Variants in PPM1H observed in about 807,000 individuals in gnomAD.
PPM1H encodes protein phosphatase 1H.
A neutral mutation model predicts 54.9 loss-of-function variants in PPM1H; 27 were observed. That is an observed-to-expected ratio of 0.49 (90% CI 0.36 to 0.68). The LOEUF (loss-of-function observed/expected upper bound fraction) is 0.68, where lower values mean the gene tolerates loss of function less well. Among genes scored for constraint, PPM1H ranks in the 30% least tolerant of loss-of-function variants. The pLI is 0.00. For synonymous variants in PPM1H, 305 were observed against 270.8 expected (o/e 1.13, Z -1.24); for missense variants, 596 against 667.8 (o/e 0.89, Z 1.19).
intron 8 of PPM1H, among the ~76,000 whole-genome samples, chr12:62,683,390 G>A (rs189724842): frequency 1.3e-5 from 2 of 152,222 alleles, no homozygotes; most frequent in East Asian, 3.9e-4. Flanking sequence ...TCAACATAGG[G>A]ATTTTTACCC....
chr12:62,696,509 T>C (rs1436262388), intron 6 of PPM1H, among the ~76,000 whole-genome samples: 2 of 152,218 alleles, frequency 1.3e-5, no homozygotes, highest in African/African-American at 4.8e-5. Flanking sequence ...TCCATCTTTC[T>C]GAATCCTAAG....
Position 62,648,406 on chromosome 12 carries a change from A to G in PPM1H, c.*83T>C. 6.5e-7 allele frequency: 1 copy of G among 1,530,280 alleles called. No individual in the cohort carries two copies. The highest frequency in any genetic ancestry group is 1.7e-5 in the Admixed American group (1 of 58,176). The allele number at this position is 1,530,280 out of a possible 1,614,324, so 94.8% of individuals were successfully genotyped here. On this transcript the variant is annotated 3_prime_UTR_variant, in exon 10 of 10. Coordinates refer to ENST00000228705, the MANE Select transcript of PPM1H (RefSeq NM_020700.2). Reference sequence around the variant, plus strand: ...GAAGAGACTGCATCACTTGGAACTCAGCTGGGGCACTTCCCAGTTCCGTCC... The same window carrying G: ...GAAGAGACTGCATCACTTGGAACTCGGCTGGGGCACTTCCCAGTTCCGTCC...
chr12:62,811,811 ATGCTGAACTG>A (rs1156345183), intron 2 of PPM1H, among the ~76,000 whole-genome samples: 3 of 152,202 alleles, frequency 2.0e-5, no homozygotes, highest in African/African-American at 7.2e-5. Flanking sequence ...CTCCCCAGCC[ATGCTGAACTG>A]TGAGTCAATT....
chr12:62,881,565 C>T (rs1209667844), intron 1 of PPM1H, among the ~76,000 whole-genome samples: 4 of 152,184 alleles, frequency 2.6e-5, no homozygotes, highest in Non-Finnish European at 4.4e-5. Context: ...CTAGCCAGTT[C>T]TCAATTGCAT....
intron 1 of PPM1H, among the ~76,000 whole-genome samples, chr12:62,839,257 C>G (rs1868629206): frequency 7.5e-6 from 1 of 133,080 alleles, no homozygotes; most frequent in Non-Finnish European, 1.6e-5. Context: ...CTCCCAGGCT[C>G]TGTCTGTGGC....
At chr12:62,662,895 A>G (rs2075893089) in intron 9 of PPM1H, among the ~76,000 whole-genome samples, 1 of 152,030 alleles carries the variant, frequency 6.6e-6, no homozygotes, top group Admixed American at 6.6e-5. Context: ...TTTTGGGCCA[A>G]TTTTCTTGGT....
intron 1 of PPM1H, among the ~76,000 whole-genome samples, chr12:62,837,509 C>T (rs1474847745): frequency 6.6e-6 from 1 of 152,214 alleles, no homozygotes; most frequent in African/African-American, 2.4e-5. Flanking sequence ...TCCCTCCCCA[C>T]CATGAGGCAT....
intron 1 of PPM1H, among the ~76,000 whole-genome samples, chr12:62,841,111 A>G (rs1329235197): frequency 6.6e-6 from 1 of 152,028 alleles, no homozygotes; most frequent in Non-Finnish European, 1.5e-5. Flanking sequence ...ACTGATAATG[A>G]AGGGAGGTGA....
At chr12:62,673,799 C>G (rs1209849396) in intron 8 of PPM1H, among the ~76,000 whole-genome samples, 3 of 136,898 alleles carry the variant, frequency 2.2e-5, no homozygotes, top group Non-Finnish European at 4.6e-5. Flanking sequence ...AATTCTGGCT[C>G]ACTGCAGCCT....
chr12:62,832,869 T>A (rs1020213066), intron 1 of PPM1H, among the ~76,000 whole-genome samples: 10 of 152,204 alleles, frequency 6.6e-5, no homozygotes, highest in Non-Finnish European at 1.3e-4. Flanking sequence ...TTTTTTCATG[T>A]AGAATAATAC....
chr12:62,911,262 C>T (rs1871451607), intron 1 of PPM1H, among the ~76,000 whole-genome samples: 1 of 152,138 alleles, frequency 6.6e-6, no homozygotes, highest in South Asian at 2.1e-4. Context: ...TTTCCCCCAA[C>T]AATATGACAA....
intron 4 of PPM1H, among the ~76,000 whole-genome samples, chr12:62,767,409 G>A (rs892496220): frequency 4.6e-5 from 7 of 152,186 alleles, no homozygotes; most frequent in Non-Finnish European, 8.8e-5. Flanking sequence ...ACTTATGGTA[G>A]CTGCCTTTAA....
At chr12:62,727,777 C>T (rs1209839385) in intron 5 of PPM1H, among the ~76,000 whole-genome samples, 2 of 151,790 alleles carry the variant, frequency 1.3e-5, no homozygotes, top group East Asian at 1.9e-4. Flanking sequence ...TCTCCCACCT[C>T]AGCCTCCTGA....
chr12:62,893,236 CA>C (rs1870862647), intron 1 of PPM1H, among the ~76,000 whole-genome samples: 1 of 152,146 alleles, frequency 6.6e-6, no homozygotes, highest in Non-Finnish European at 1.5e-5. Context: ...GTTGCCTTAA[CA>C]AAATACCACA....
At chr12:62,821,216 T>G (rs765330091) in intron 2 of PPM1H, among the ~76,000 whole-genome samples, 1 of 151,872 alleles carries the variant, frequency 6.6e-6, no homozygotes, top group Non-Finnish European at 1.5e-5. Context: ...AGGAGAAGTT[T>G]AGAGAAAAAA....
chr12:62,721,274 A>T (rs996513318), intron 5 of PPM1H, among the ~76,000 whole-genome samples: 1 of 152,146 alleles, frequency 6.6e-6, no homozygotes, highest in Admixed American at 6.5e-5. Flanking sequence ...GAAGGTCTGG[A>T]GGTATTAGTT....
intron 9 of PPM1H, chr12:62,658,952 G>T: frequency 1.4e-6 from 1 of 701,950 alleles, no homozygotes; most frequent in Non-Finnish European, 2.6e-6. Context: ...TGACAACAGG[G>T]CTCATAGAAG....
intron 4 of PPM1H, among the ~76,000 whole-genome samples, chr12:62,744,912 A>T (rs533758089): frequency 6.6e-6 from 1 of 152,324 alleles, no homozygotes; most frequent in South Asian, 2.1e-4. Flanking sequence ...CAAAGCCTTT[A>T]GTTCAGAGCT....
chr12:62,783,234 G>T (rs2076652270), intron 4 of PPM1H, among the ~76,000 whole-genome samples: 1 of 152,188 alleles, frequency 6.6e-6, no homozygotes, highest in Admixed American at 6.5e-5. Flanking sequence ...ATAAATGAAT[G>T]AATTGGACCA....
Sources: allele counts gnomAD v4.1 joint callset (sites outside exome capture counted in the v4.1 genomes callset), GRCh38; gene constraint gnomAD v4.1.1; transcripts MANE v1.5; gene names NCBI Gene and HGNC (gene_info 2026-07-23, HGNC 2026-07-21).